The following INSYN2B variants were observed in gnomAD, a reference collection of about 807,000 sequenced individuals.
INSYN2B encodes the protein protein INSYN2B.
INSYN2B carries 16 observed loss-of-function variants against 41.2 expected under a neutral mutation model. The ratio of observed to expected loss-of-function variants is 0.39; its 90% CI spans 0.26 to 0.59. The LOEUF (loss-of-function observed/expected upper bound fraction) is 0.59, where lower values mean the gene tolerates loss of function less well. INSYN2B is among the 20% of genes least tolerant of loss of function. INSYN2B has a pLI of 0.57. For synonymous variants in INSYN2B, 245 were observed against 244.4 expected, an observed-to-expected ratio of 1.00 and a Z score of -0.02; for missense variants, 608 against 646.4, an observed-to-expected ratio of 0.94 and a Z score of 0.64.
intron 3 of INSYN2B, 107 bp downstream of exon 3, chr5:169,881,261 C>G (rs1414460345): frequency 2.3e-6 from 2 of 875,438 alleles, no homozygotes; most frequent in Non-Finnish European, 3.7e-6. Flanking sequence ...AGTTAAATAC[C>G]TTGTTTTTGC....
intron 1 of INSYN2B, among the ~76,000 whole-genome samples, chr5:169,922,133 A>G (rs1775209222): frequency 6.6e-6 from 1 of 152,218 alleles, no homozygotes; most frequent in African/African-American, 2.4e-5. Context: ...CATAAACTGC[A>G]GTAATGTCAG....
chr5:169,926,193 T>C (rs1262536917), intron 1 of INSYN2B, among the ~76,000 whole-genome samples: 1 of 152,096 alleles, frequency 6.6e-6, no homozygotes, highest in Non-Finnish European at 1.5e-5. Flanking sequence ...TGTGGATAGG[T>C]AGACGCAGGC....
At chr5:169,947,681 G>A (rs1411505872) in intron 1 of INSYN2B, among the ~76,000 whole-genome samples, 1 of 152,158 alleles carries the variant, frequency 6.6e-6, no homozygotes, top group Non-Finnish European at 1.5e-5. Flanking sequence ...TTAACAGTAA[G>A]TGCAAACCTG....
At chr5:169,911,326 T>C (rs1315948195) in intron 1 of INSYN2B, among the ~76,000 whole-genome samples, 1 of 152,180 alleles carries the variant, frequency 6.6e-6, no homozygotes, top group Non-Finnish European at 1.5e-5. Context: ...TGTATGAATT[T>C]CTGTTTATTA....
chr5:169,908,251 T>A (rs999132585), intron 1 of INSYN2B, among the ~76,000 whole-genome samples: 7 of 152,160 alleles, frequency 4.6e-5, no homozygotes, highest in Admixed American at 4.6e-4. Flanking sequence ...GCTGGTCCCT[T>A]GGTGGCAACT....
intron 1 of INSYN2B, among the ~76,000 whole-genome samples, chr5:169,911,856 T>C (rs1774614469): frequency 6.6e-6 from 1 of 152,206 alleles, no homozygotes; most frequent in Non-Finnish European, 1.5e-5. Context: ...GGGAAGTGTT[T>C]TCTACCAACT....
At chr5:169,967,797 A>G (rs1777357206) in intron 1 of INSYN2B, among the ~76,000 whole-genome samples, 1 of 152,004 alleles carries the variant, frequency 6.6e-6, no homozygotes, top group South Asian at 2.1e-4. Flanking sequence ...AGGGAGAGAA[A>G]TGAACAAACT....
chr5:169,924,942 C>T (rs1775357880), intron 1 of INSYN2B, among the ~76,000 whole-genome samples: 1 of 152,194 alleles, frequency 6.6e-6, no homozygotes, highest in Admixed American at 6.5e-5. Flanking sequence ...GGCACAATTG[C>T]TTCTCCCAGT....
intron 3 of INSYN2B, among the ~76,000 whole-genome samples, chr5:169,873,396 A>C (rs1772110207): frequency 6.6e-6 from 1 of 152,212 alleles, no homozygotes; most frequent in African/African-American, 2.4e-5. Context: ...GAGATGCTCG[A>C]GGGCATTGCT....
intron 1 of INSYN2B, among the ~76,000 whole-genome samples, chr5:169,901,300 G>A (rs912660452): frequency 6.6e-6 from 1 of 152,318 alleles, no homozygotes; most frequent in South Asian, 2.1e-4. Context: ...GGAATCCAGA[G>A]AGCAGGCCAC....
chr5:169,904,000 T>C (rs1300614702), intron 1 of INSYN2B, among the ~76,000 whole-genome samples: 1 of 147,254 alleles, frequency 6.8e-6, no homozygotes, highest in East Asian at 2.0e-4. Flanking sequence ...GGCTGAGGCA[T>C]GAGAATTGCT....
chr5:169,934,394 A>G (rs1290168604), intron 1 of INSYN2B, among the ~76,000 whole-genome samples: 1 of 152,034 alleles, frequency 6.6e-6, no homozygotes, highest in Non-Finnish European at 1.5e-5. Flanking sequence ...CCACTAATTT[A>G]CCTATCCGCA....
chr5:169,884,065 C>G lies in INSYN2B; in HGVS notation c.-167G>C, dbSNP rs1454440354. On this transcript the variant is annotated 5_prime_UTR_variant, in exon 2 of 4. Coordinates refer to ENST00000377365, the MANE Select transcript of INSYN2B (RefSeq NM_001129891.3). Reference sequence around the variant, plus strand: ...GGAAATCCTGTTGGCCATTCCCAGCCTCTAGAGTCTACGTAGGAACTATCT... The same window carrying G: ...GGAAATCCTGTTGGCCATTCCCAGCGTCTAGAGTCTACGTAGGAACTATCT... 1.9e-6 allele frequency: 1 copy of G among 521,918 alleles called. No individual in the cohort carries two copies. Among genetic ancestry groups the G allele is most frequent in the Non-Finnish European group, 3.2e-6 (1 of 310,820 alleles). 32.3% of individuals were successfully genotyped at this position (521,918 alleles called of 1,614,324 possible). A position where few individuals can be genotyped will look rare whatever the true frequency, so the allele number is the denominator to read the frequency against.
chr5:169,875,434 A>G (rs945736108), intron 3 of INSYN2B: 3 of 387,226 alleles, frequency 7.7e-6, no homozygotes, highest in Admixed American at 3.1e-5. Flanking sequence ...ACTCAGTGAC[A>G]ATCGAACATT....
At chr5:169,963,375 A>G (rs1777169025) in intron 1 of INSYN2B, among the ~76,000 whole-genome samples, 1 of 152,100 alleles carries the variant, frequency 6.6e-6, no homozygotes, top group African/African-American at 2.4e-5. Context: ...TTAGGCCTCC[A>G]TCCCTCTCTG....
chr5:169,906,072 A>G (rs75540806), intron 1 of INSYN2B, among the ~76,000 whole-genome samples: 1,807 of 152,350 alleles, frequency 0.012, 57 homozygotes, highest in South Asian at 0.12. Context: ...AAATGAATGC[A>G]AAGACATTTT....
At chr5:169,974,950 G>C (rs1288489177) in intron 1 of INSYN2B, among the ~76,000 whole-genome samples, 1 of 152,050 alleles carries the variant, frequency 6.6e-6, no homozygotes. Context: ...TGGCAAGCAG[G>C]CTTCTCAGGT....
chr5:169,965,314 C>G (rs910152471), intron 1 of INSYN2B, among the ~76,000 whole-genome samples: 1 of 152,222 alleles, frequency 6.6e-6, no homozygotes, highest in Non-Finnish European at 1.5e-5. Flanking sequence ...TTCTAAGAAG[C>G]TCCCAGGTGA....
At chr5:169,951,085 G>T (rs1776645660) in intron 1 of INSYN2B, among the ~76,000 whole-genome samples, 1 of 152,202 alleles carries the variant, frequency 6.6e-6, no homozygotes, top group Admixed American at 6.5e-5. Flanking sequence ...GATGAGACCT[G>T]CCTGCCTTAT....
Sources: allele counts gnomAD v4.1 joint callset (sites outside exome capture counted in the v4.1 genomes callset), GRCh38; gene constraint gnomAD v4.1.1; transcripts MANE v1.5; gene names NCBI Gene and HGNC (gene_info 2026-07-23, HGNC 2026-07-21).